Variants in RAP1GDS1 observed in about 807,000 individuals in gnomAD.
The protein encoded by RAP1GDS1 is Rap1 GTPase-GDP dissociation stimulator 1.
Under a neutral mutation model 71.1 loss-of-function variants are expected in RAP1GDS1, and 35 were observed. The ratio of observed to expected loss-of-function variants is 0.49; its 90% CI spans 0.38 to 0.65. The LOEUF is 0.65. RAP1GDS1 is among the 30% of genes least tolerant of loss of function. RAP1GDS1 has a pLI of 0.00. For missense variants in RAP1GDS1, 663 were observed against 706.1 expected, an observed-to-expected ratio of 0.94 and a Z score of 0.69; for synonymous variants, 229 against 243.1, an observed-to-expected ratio of 0.94 and a Z score of 0.54.
intron 2 of RAP1GDS1, among the ~76,000 whole-genome samples, chr4:98,336,993 C>T (rs970129987): frequency 8.5e-5 from 13 of 152,144 alleles, no homozygotes; most frequent in African/African-American, 3.1e-4. Flanking sequence ...CTCCCAGGTT[C>T]AAGCGATTCT....
intron 11 of RAP1GDS1, 48 bp from the exon 12 acceptor site, chr4:98,421,207 T>A: frequency 6.6e-7 from 1 of 1,508,334 alleles, no homozygotes; most frequent in Non-Finnish European, 9.0e-7. Flanking sequence ...TTATTTCAAC[T>A]GATTGTCTGT....
chr4:98,421,119 T>C lies in RAP1GDS1; in HGVS notation c.1301-136T>C, dbSNP rs1448665428. On this transcript the variant is annotated intron_variant, in intron 11 of 14. Coordinates refer to ENST00000408927, the MANE Select transcript of RAP1GDS1 (RefSeq NM_001100427.2). ...GGCAAATAGCCCATCACATAAGGAA[T>C]ATTTGCAGTTCTAGCTTTAATGAAA... The C allele has an allele frequency of 1.6e-4, 151 of 944,338 alleles. 1 individual carries two copies. The highest frequency in any genetic ancestry group is 6.0e-6 in the Non-Finnish European group (4 of 671,698). The allele number at this position is 944,338 out of a possible 1,614,324, so 58.5% of individuals were successfully genotyped here.
At chr4:98,346,944 A>G (rs1287353275) in intron 3 of RAP1GDS1, among the ~76,000 whole-genome samples, 2 of 152,248 alleles carry the variant, frequency 1.3e-5, no homozygotes, top group African/African-American at 2.4e-5. Flanking sequence ...TTTTATATTC[A>G]TGCCTCATAG....
intron 5 of RAP1GDS1, among the ~76,000 whole-genome samples, chr4:98,384,959 G>A (rs920850848): frequency 6.6e-6 from 1 of 151,456 alleles, no homozygotes; most frequent in Non-Finnish European, 1.5e-5. Context: ...GCAGTGAAAG[G>A]GCAAAATATG....
At chr4:98,345,757 C>T (rs1736154509) in intron 3 of RAP1GDS1, among the ~76,000 whole-genome samples, 2 of 152,158 alleles carry the variant, frequency 1.3e-5, no homozygotes, top group Admixed American at 6.5e-5. Flanking sequence ...TCTTACCTGT[C>T]ATCACACTTA....
intron 4 of RAP1GDS1, among the ~76,000 whole-genome samples, chr4:98,373,403 C>G (rs1221783477): frequency 6.6e-6 from 1 of 151,416 alleles, no homozygotes; most frequent in Non-Finnish European, 1.5e-5. Context: ...CTCTCCCTCT[C>G]TCTCCCTCCC....
intron 4 of RAP1GDS1, among the ~76,000 whole-genome samples, chr4:98,356,851 ATTGACATCAAG>A (rs1226324252): frequency 6.6e-6 from 1 of 151,988 alleles, no homozygotes; most frequent in African/African-American, 2.4e-5. Context: ...TTGTTTATTC[ATTGACATCAAG>A]TATAAATGGG....
Position 98,416,792 on chromosome 4 carries a change from C to A in RAP1GDS1, c.811C>A (p.Leu271Ile), listed in dbSNP as rs1279400509. The A allele has an allele frequency of 1.2e-6, 2 of 1,611,762 alleles. No individual in the cohort carries two copies. The highest frequency in any genetic ancestry group is 1.7e-6 in the Non-Finnish European group (2 of 1,177,990). Residue 271 changes from leucine (L) to isoleucine (I), a missense_variant, in exon 8 of 15, where the codon CTA (leucine) becomes ATA (isoleucine). Leu to Ile is a conservative substitution (Grantham distance 5). Coordinates refer to ENST00000408927, the MANE Select transcript of RAP1GDS1 (RefSeq NM_001100427.2). The part of the protein sequence containing the change: ...LVEAGLVECL[L>I]EIVQQKVDSD... ...TGAAGCAGGCCTAGTAGAGTGTCTA[C>A]TAGAGATTGTTCAGCAAAAAGTGGA...
chr4:98,271,239 T>G (rs149039749), intron 1 of RAP1GDS1, among the ~76,000 whole-genome samples: 1,948 of 152,306 alleles, frequency 0.013, 21 homozygotes, highest in Non-Finnish European at 0.018. Context: ...TATTAATATC[T>G]GGGCTACATC....
At chr4:98,429,910 T>A (rs17027585) in intron 12 of RAP1GDS1, among the ~76,000 whole-genome samples, 9,981 of 151,952 alleles carry the variant, frequency 0.066, 373 homozygotes, top group Admixed American at 0.13. Flanking sequence ...ACTAACAGAA[T>A]TACATAACCA....
chr4:98,263,465 C>G (rs1722306243), intron 1 of RAP1GDS1, among the ~76,000 whole-genome samples: 1 of 152,146 alleles, frequency 6.6e-6, no homozygotes, highest in African/African-American at 2.4e-5. Flanking sequence ...TTAAAAAGGG[C>G]CAAATAGAAA....
intron 4 of RAP1GDS1, among the ~76,000 whole-genome samples, chr4:98,376,572 C>T (rs1442040105): frequency 6.6e-6 from 1 of 151,902 alleles, no homozygotes; most frequent in Non-Finnish European, 1.5e-5. Flanking sequence ...TCCTTTGAAT[C>T]CTTAAATTCT....
At chr4:98,292,578 AAAAC>A (rs201007534) in intron 1 of RAP1GDS1, among the ~76,000 whole-genome samples, 15,837 of 143,192 alleles carry the variant, frequency 0.11, 962 homozygotes, top group African/African-American at 0.2. Flanking sequence ...AGAAAAAAAA[AAAAC>A]AATGCTATTC....
intron 12 of RAP1GDS1, among the ~76,000 whole-genome samples, chr4:98,423,633 C>T (rs10001453): frequency 0.14 from 21,342 of 152,060 alleles, 2,167 homozygotes; most frequent in African/African-American, 0.28. Context: ...TAACCTCCGC[C>T]TCCCGGGATC....
chr4:98,380,713 A>G (rs989385625), intron 5 of RAP1GDS1, among the ~76,000 whole-genome samples: 5 of 151,832 alleles, frequency 3.3e-5, no homozygotes, highest in Non-Finnish European at 5.9e-5. Flanking sequence ...TCAGATTTTC[A>G]TATTGTTTTC....
chr4:98,329,473 G>A (rs150952262), intron 2 of RAP1GDS1, among the ~76,000 whole-genome samples: 119 of 152,198 alleles, frequency 7.8e-4, no homozygotes, highest in Admixed American at 1.4e-3. Flanking sequence ...TAATCTTAAA[G>A]TTATTAGAAA....
At chr4:98,384,213 G>GAT (rs1258102824) in intron 5 of RAP1GDS1, among the ~76,000 whole-genome samples, 1 of 151,392 alleles carries the variant, frequency 6.6e-6, no homozygotes, top group Non-Finnish European at 1.5e-5. Context: ...AGACATGGGA[G>GAT]ATGTACATTT....
intron 1 of RAP1GDS1, among the ~76,000 whole-genome samples, chr4:98,292,167 C>T (rs1260603017): frequency 1.3e-5 from 2 of 151,242 alleles, no homozygotes; most frequent in African/African-American, 2.4e-5. Flanking sequence ...TGCTCTGCCA[C>T]CCAGGTTAGA....
chr4:98,422,829 C>A lies in RAP1GDS1; in HGVS notation c.1440+1435C>A, dbSNP rs1294163523. On this transcript the variant is annotated intron_variant, in intron 12 of 14. Coordinates refer to ENST00000408927, the MANE Select transcript of RAP1GDS1 (RefSeq NM_001100427.2). ...AAAGCAGCTGTTAACTAGGACCTTCCTATTACCTGTCTCACCCAGACCACC... is the reference window on the plus strand; with the variant it reads ...AAAGCAGCTGTTAACTAGGACCTTCATATTACCTGTCTCACCCAGACCACC... 6.6e-5 allele frequency among the ~76,000 whole-genome samples: 10 copies of A among 152,160 alleles called. No homozygotes were observed. The East Asian group carries it at 1.7e-3, about 26-fold the overall frequency.
Sources: allele counts gnomAD v4.1 joint callset (sites outside exome capture counted in the v4.1 genomes callset), GRCh38; gene constraint gnomAD v4.1.1; transcripts MANE v1.5; gene names NCBI Gene and HGNC (gene_info 2026-07-23, HGNC 2026-07-21).